IFT27: variants seen among roughly 807,000 people sequenced by gnomAD.
IFT27 encodes intraflagellar transport protein 27 homolog.
In IFT27, 19 loss-of-function variants were observed where a neutral mutation model predicts 23.9. That is an observed-to-expected ratio of 0.79 (90% CI 0.55 to 1.16). IFT27 has a LOEUF of 1.16. Among genes scored for constraint, IFT27 ranks in the 50% most tolerant of loss-of-function variants. IFT27 has a pLI of 0.00. For synonymous variants in IFT27, 91 were observed against 89.1 expected (o/e 1.02, Z -0.12); for missense variants, 206 against 228.7 (o/e 0.90, Z 0.64).
intron 5 of IFT27, 58 bp from the exon 6 acceptor site, chr22:36,763,071 C>A (rs536634957): frequency 1.5e-6 from 2 of 1,294,062 alleles, no homozygotes; most frequent in Admixed American, 1.9e-5. Flanking sequence ...GGAAGGACAG[C>A]GGGCGAGATG....
chr22:36,760,054 G>A (rs987262738), intron 6 of IFT27: 2 of 152,216 alleles, frequency 1.3e-5, no homozygotes, highest in East Asian at 1.9e-4. Context: ...TAGCCAAGAC[G>A]AACATTTATA....
At position 36,767,358 on chromosome 22, in the gene IFT27, C is replaced by G. The variant is rs1423783494; in HGVS notation, c.122G>C (p.Gly41Ala). 1 of 1,613,024 alleles carries G rather than the reference C, an allele frequency of 6.2e-7. No individual in the cohort carries two copies. Among genetic ancestry groups the G allele is most frequent in the South Asian group, 1.1e-5 (1 of 90,938 alleles). Residue 41 changes from glycine (G) to alanine (A), a missense_variant, in exon 3 of 7, where the codon GGA (glycine) becomes GCA (alanine). Gly to Ala is a moderately conservative substitution (Grantham distance 60). Coordinates refer to ENST00000433985, the MANE Select transcript of IFT27 (RefSeq NM_001177701.3). ...HFQKSYTLTTGMDLVVKTVPV... is the reference protein window; with the variant it reads ...HFQKSYTLTTAMDLVVKTVPV... Reference sequence around the variant, plus strand: ...CACTGTCTTCACCACCAAATCCATTCCTGTTGTCTGCCGAGGAACACCAAG... The same window carrying G: ...CACTGTCTTCACCACCAAATCCATTGCTGTTGTCTGCCGAGGAACACCAAG...
At position 36,770,678 on chromosome 22, in the gene IFT27, C is replaced by T. The variant is rs147689736; in HGVS notation, c.35-2816G>A. ...CCCAGATTCAACGGGTCACCTCTGA[C>T]TGCTCCTCCTCCTTCCTCCCATCTT... On this transcript the variant is annotated intron_variant, in intron 1 of 6. Coordinates refer to ENST00000433985, the MANE Select transcript of IFT27 (RefSeq NM_001177701.3). Among the ~76,000 whole-genome samples the T allele has an allele frequency of 4.6e-3, 698 of 152,294 alleles. 1 individual carries two copies. Among genetic ancestry groups the T allele is most frequent in the Non-Finnish European group, 8.3e-3 (566 of 68,026 alleles).
chr22:36,767,694 G>T, intron 2 of IFT27, 89 bp downstream of exon 2: 2 of 1,204,688 alleles, frequency 1.7e-6, no homozygotes, highest in Non-Finnish European at 2.5e-6. Context: ...CTGTCTTAAG[G>T]CTTCCCTCAA....
At chr22:36,765,952 C>T (rs768007151) in intron 4 of IFT27, among the ~76,000 whole-genome samples, 186 bp downstream of exon 4, 4 of 152,208 alleles carry the variant, frequency 2.6e-5, no homozygotes, top group Admixed American at 6.5e-5. Context: ...GGCAGTCACA[C>T]GCATCAGCCA....
chr22:36,770,242 G>C (rs922114305), intron 1 of IFT27, among the ~76,000 whole-genome samples: 1 of 152,128 alleles, frequency 6.6e-6, no homozygotes, highest in African/African-American at 2.4e-5. Context: ...GCCTTTTCTT[G>C]GTTCTCATCC....
At chr22:36,765,192 G>C (rs538046161) in intron 4 of IFT27, among the ~76,000 whole-genome samples, 1 of 152,202 alleles carries the variant, frequency 6.6e-6, no homozygotes. Flanking sequence ...ACACTTCAGC[G>C]TGGTTTTAAC....
chr22:36,776,064 C>T lies in IFT27; in HGVS notation c.-357G>A, dbSNP rs540303873. ...TTCAAGGAAGGACGATCCGGCTCTC[C>T]TCCGATCACAAGTACCGGGCCGGAT... On this transcript the variant is annotated 5_prime_UTR_variant, in exon 1 of 7. Coordinates refer to ENST00000433985, the MANE Select transcript of IFT27 (RefSeq NM_001177701.3). 38 of 340,280 alleles carry T rather than the reference C, an allele frequency of 1.1e-4. No homozygotes were observed. In the South Asian group the frequency reaches 1.5e-3, roughly 14 times the overall value. The allele number at this position is 340,280 out of a possible 1,614,324, so 21.1% of individuals were successfully genotyped here.
intron 6 of IFT27, chr22:36,759,790 A>G: frequency 6.6e-6 from 1 of 152,190 alleles, no homozygotes; most frequent in East Asian, 1.9e-4. Flanking sequence ...TTCACAGATG[A>G]GTAGTTTGGG....
intron 1 of IFT27, chr22:36,768,630 C>G (rs1486654676): frequency 6.5e-6 from 1 of 154,630 alleles, no homozygotes; most frequent in African/African-American, 2.4e-5. Context: ...GAGACCTGAG[C>G]CTTTCACAAG....
intron 6 of IFT27, chr22:36,762,296 T>C (rs1300973136): frequency 6.6e-6 from 1 of 152,274 alleles, no homozygotes; most frequent in East Asian, 1.9e-4. Context: ...GTAATTGCAG[T>C]TTTTGCCAGG....
chr22:36,767,722 C>T, intron 2 of IFT27, 61 bp downstream of exon 2: 3 of 1,429,318 alleles, frequency 2.1e-6, no homozygotes, highest in Non-Finnish European at 3.0e-6. Context: ...CGAAGTCACT[C>T]ATCATGGTGA....
chr22:36,763,922 G>GGA lies in IFT27; in HGVS notation c.347_348dup (p.Pro117SerfsTer5). The stretch of plus-strand genomic sequence containing the variant: ...CATGGGTGTCTGCAGCCCGTACCTG[G>GGA]GAGAGAGATGCCTGGAGCCTGTGAC... On this transcript the variant is annotated frameshift_variant, in exon 5 of 7. Transcript: ENST00000433985. LOFTEE classifies it high-confidence loss of function. The GGA allele has an allele frequency of 6.2e-7, 1 of 1,607,888 alleles. No individual in the cohort carries two copies. The highest frequency in any genetic ancestry group is 8.5e-7 in the Non-Finnish European group (1 of 1,174,282).
intron 1 of IFT27, chr22:36,772,662 G>A (rs1307773554): frequency 6.1e-6 from 6 of 985,428 alleles, no homozygotes; most frequent in Middle Eastern, 5.2e-4. Context: ...ACTGACTCAT[G>A]CTTGCAGGCC....
intron 4 of IFT27, among the ~76,000 whole-genome samples, chr22:36,764,608 T>C (rs1242611766): frequency 2.6e-5 from 4 of 152,250 alleles, no homozygotes; most frequent in African/African-American, 9.6e-5. Flanking sequence ...GGAAGCTTGT[T>C]TGCTTGCATC....
chr22:36,771,561 G>A (rs1352775146), intron 1 of IFT27, among the ~76,000 whole-genome samples: 1 of 151,956 alleles, frequency 6.6e-6, no homozygotes, highest in Non-Finnish European at 1.5e-5. Context: ...GAGGTGCCGG[G>A]ACCAGCCGGG....
intron 1 of IFT27, among the ~76,000 whole-genome samples, chr22:36,774,774 T>C (rs941597177): frequency 3.3e-5 from 5 of 150,622 alleles, no homozygotes; most frequent in African/African-American, 9.8e-5. Context: ...ATTGCGCCAC[T>C]GCCCTCCAGC....
chr22:36,775,681 G>C lies in IFT27; in HGVS notation c.27C>G (p.Ile9Met). The change falls in exon 1 of 7, where the codon ATC becomes ATG. Residue 9 changes from isoleucine to methionine, a missense_variant. Coordinates refer to ENST00000433985, the MANE Select transcript of IFT27 (RefSeq NM_001177701.3). ...GCAAGTTTTCAGACTCACCTGCCAG[G>C]ATGCATTTGGCTGCCAGCTTCACCA... MVKLAAKCILAGDPAVGKT... is the reference protein window; with the variant it reads MVKLAAKCMLAGDPAVGKT... 6.2e-7 allele frequency: 1 copy of C among 1,614,152 alleles called. No individual in the cohort carries two copies. Among genetic ancestry groups the C allele is most frequent in the Non-Finnish European group, 8.5e-7 (1 of 1,180,016 alleles).
intron 1 of IFT27, among the ~76,000 whole-genome samples, chr22:36,770,310 C>A (rs1261897775): frequency 1.3e-5 from 2 of 152,160 alleles, no homozygotes; most frequent in Admixed American, 6.5e-5. Flanking sequence ...CTTCCCGAGT[C>A]CTGTCCCCGT....
Sources: gnomAD v4.1 joint callset for allele counts (sites outside exome capture counted in the v4.1 genomes callset) on GRCh38, gnomAD v4.1.1 for gene constraint, MANE v1.5 for transcripts, NCBI Gene and HGNC (gene_info 2026-07-23, HGNC 2026-07-21) for gene names.